The following MLLT3 variants were observed in gnomAD, a reference collection of about 807,000 sequenced individuals.
MLLT3 encodes protein AF-9.
Under a neutral mutation model 53.2 loss-of-function variants are expected in MLLT3, and 4 were observed. The observed-to-expected ratio is 0.08, with a 90% CI of 0.04 to 0.17. The LOEUF is 0.17. Ranked by LOEUF, MLLT3 falls within the 10% of genes least tolerant of loss-of-function variation. The pLI, the probability that MLLT3 is intolerant of heterozygous loss-of-function variation, is 1.00. For missense variants in MLLT3, 569 were observed against 684.0 expected (o/e 0.83, Z 1.87); for synonymous variants, 283 against 230.6 (o/e 1.23, Z -2.06).
At chr9:20,613,403 T>C (rs982868051) in intron 2 of MLLT3, among the ~76,000 whole-genome samples, 9 of 152,190 alleles carry the variant, frequency 5.9e-5, no homozygotes, top group Non-Finnish European at 1.2e-4. Context: ...ATAAATAGAA[T>C]GGAAGACAGA....
At chr9:20,554,929 T>C (rs905694443) in intron 2 of MLLT3, among the ~76,000 whole-genome samples, 1 of 152,238 alleles carries the variant, frequency 6.6e-6, no homozygotes, top group African/African-American at 2.4e-5. Context: ...GCTAAATTAA[T>C]AACTGCCTAA....
At chr9:20,605,053 A>C (rs1204531154) in intron 2 of MLLT3, among the ~76,000 whole-genome samples, 1 of 152,126 alleles carries the variant, frequency 6.6e-6, no homozygotes, top group East Asian at 1.9e-4. Context: ...AAAAAATAAA[A>C]GGCAAATGGT....
In MLLT3 at chr9:20,498,227, C is replaced by CAAAA. The variant is rs529049653; in HGVS notation, c.194-41445_194-41442dup. 1.0e-3 allele frequency among the ~76,000 whole-genome samples: 33 copies of CAAAA among 32,518 alleles called. 2 individuals are homozygous for CAAAA. Among genetic ancestry groups the CAAAA allele is most frequent in the South Asian group, 2.2e-3 (1 of 452 alleles). 21.3% of individuals were successfully genotyped at this position (32,518 alleles called of 152,430 possible). On this transcript the variant is annotated intron_variant, in intron 2 of 10. Coordinates refer to ENST00000380338, the MANE Select transcript of MLLT3 (RefSeq NM_004529.4). ...TAGGTGACAGAGCGAGACGCTGTCT[C>CAAAA]AAAAAAAAAAAAAAAAAAAAAAAAA...
In MLLT3 at chr9:20,621,861, G is replaced by A. The variant is rs1279718952; in HGVS notation, c.12+384C>T. The A allele has an allele frequency of 5.8e-6, 8 of 1,382,030 alleles. No homozygotes were observed. Among genetic ancestry groups the A allele is most frequent in the Non-Finnish European group, 7.4e-6 (8 of 1,077,224 alleles). 85.6% of individuals were successfully genotyped at this position (1,382,030 alleles called of 1,614,324 possible). A position where few individuals can be genotyped will look rare whatever the true frequency, so the allele number is the denominator to read the frequency against. On this transcript the variant is annotated intron_variant, in intron 1 of 10. Coordinates refer to ENST00000380338, the MANE Select transcript of MLLT3 (RefSeq NM_004529.4). This position sits in a 1 kb window ranked among gnomAD's most constrained non-coding sequence, Gnocchi z 7.0. ...ACTGTGCCCGCAGCTCCCGGCGGCG[G>A]CGGCTGAAATATGGCTGAGTTATTA... is the stretch of plus-strand genomic sequence containing the variant.
At chr9:20,600,875 G>T (rs1285813304) in intron 2 of MLLT3, among the ~76,000 whole-genome samples, 1 of 152,094 alleles carries the variant, frequency 6.6e-6, no homozygotes, top group African/African-American at 2.4e-5. Context: ...AGAATCCAAT[G>T]GGAAAAAATT....
chr9:20,446,349 TTCTGAGATAAAGGCTGAG>T (rs1823700016), intron 4 of MLLT3, among the ~76,000 whole-genome samples: 1 of 152,190 alleles, frequency 6.6e-6, no homozygotes, highest in South Asian at 2.1e-4. Flanking sequence ...AGAAGAATCA[TTCTGAGATAAAGGCTGAG>T]TAGAGCACAA....
chr9:20,353,392 T>C (rs937611123), intron 10 of MLLT3, 133 bp downstream of exon 10: 3 of 744,894 alleles, frequency 4.0e-6, no homozygotes, highest in East Asian at 2.5e-5. Context: ...CTTTCCCAAA[T>C]ACATCTACAG....
At chr9:20,527,690 G>A (rs1818238054) in intron 2 of MLLT3, among the ~76,000 whole-genome samples, 1 of 152,054 alleles carries the variant, frequency 6.6e-6, no homozygotes, top group Non-Finnish European at 1.5e-5. Context: ...TAACTAAACT[G>A]GAACATCAAA....
At chr9:20,601,064 C>T (rs1317276025) in intron 2 of MLLT3, among the ~76,000 whole-genome samples, 1 of 152,200 alleles carries the variant, frequency 6.6e-6, no homozygotes, top group African/African-American at 2.4e-5. Flanking sequence ...CCCCCAGACT[C>T]AGATTGCTCT....
intron 2 of MLLT3, among the ~76,000 whole-genome samples, chr9:20,533,568 A>G (rs1330769768): frequency 6.6e-6 from 1 of 152,228 alleles, no homozygotes; most frequent in Non-Finnish European, 1.5e-5. Context: ...ATATGTCCTA[A>G]GGAAATAAAA....
At chr9:20,360,935 A>C (rs914836242) in intron 7 of MLLT3, 94 bp from the exon 8 acceptor site, 1 of 1,072,470 alleles carries the variant, frequency 9.3e-7, no homozygotes, top group East Asian at 2.5e-5. Context: ...GAATCCAAAC[A>C]CTAACCCTTG....
At chr9:20,520,208 A>G (rs1202925533) in intron 2 of MLLT3, among the ~76,000 whole-genome samples, 3 of 152,126 alleles carry the variant, frequency 2.0e-5, no homozygotes, top group Admixed American at 6.5e-5. Context: ...GAGGGTGGAG[A>G]GTGAAAGGAG....
At position 20,344,243 on chromosome 9, in the gene MLLT3, ATAT is replaced by A. The variant is rs1820809139; in HGVS notation, c.*2197_*2199del. The A allele has an allele frequency of 5.0e-6, 1 of 198,450 alleles. No individual in the cohort carries two copies. Among genetic ancestry groups the A allele is most frequent in the Non-Finnish European group, 1.0e-5 (1 of 96,132 alleles). The allele number at this position is 198,450 out of a possible 1,614,324, so 12.3% of individuals were successfully genotyped here. On this transcript the variant is annotated 3_prime_UTR_variant, in exon 11 of 11. Coordinates refer to ENST00000380338, the MANE Select transcript of MLLT3 (RefSeq NM_004529.4). ...GAAAAAATTTTTACATTGGCAAATC[ATAT>A]TTTTTGCCCCACAATTTAGTTACAG...
intron 2 of MLLT3, among the ~76,000 whole-genome samples, chr9:20,613,934 C>A (rs1432309389): frequency 6.6e-6 from 1 of 152,070 alleles, no homozygotes; most frequent in African/African-American, 2.4e-5. Flanking sequence ...AAATGAATGT[C>A]AAAGATGTCC....
At chr9:20,453,252 G>A (rs1010600459) in intron 3 of MLLT3, among the ~76,000 whole-genome samples, 3 of 152,118 alleles carry the variant, frequency 2.0e-5, no homozygotes, top group African/African-American at 7.2e-5. Flanking sequence ...CCAGAGATAT[G>A]CTTTATCTTT....
Position 20,446,466 on chromosome 9 carries a change from G to T in MLLT3, c.420+1657C>A, listed in dbSNP as rs528189934. Among the ~76,000 whole-genome samples the T allele has an allele frequency of 9.2e-5, 14 of 152,238 alleles. 1 individual carries two copies. In the South Asian group the frequency reaches 2.1e-3, roughly 23 times the overall value. On this transcript the variant is annotated intron_variant, in intron 4 of 10. Coordinates refer to ENST00000380338, the MANE Select transcript of MLLT3 (RefSeq NM_004529.4). ...CTGTAACCTCTCTTCCAGCTCACAG[G>T]CAACCCTCGACTTCTCTGGGACTAA... is the stretch of plus-strand genomic sequence containing the variant.
chr9:20,620,515 C>T lies in MLLT3; in HGVS notation c.193+139G>A. ...GGCGGGAGCCGGGACCTGGCCCGCG[C>T]GGCGCCGCGCACCCGGATCCCGAGG... On this transcript the variant is annotated intron_variant, in intron 2 of 10. Transcript: ENST00000380338. This position sits in a 1 kb window ranked among gnomAD's most constrained non-coding sequence, Gnocchi z 6.1. 1.9e-6 allele frequency: 1 copy of T among 519,810 alleles called. No individual in the cohort carries two copies. 32.2% of individuals were successfully genotyped at this position (519,810 alleles called of 1,614,324 possible). A position where few individuals can be genotyped will look rare whatever the true frequency, so the allele number is the denominator to read the frequency against.
rs376997832 is a variant in MLLT3, at chr9:20,620,104, A to C, written c.193+550T>G. Among the ~76,000 whole-genome samples, 42 of 152,246 alleles carry C rather than the reference A, an allele frequency of 2.8e-4. No homozygotes were observed. In the South Asian group the frequency reaches 5.4e-3, roughly 20 times the overall value. On this transcript the variant is annotated intron_variant, in intron 2 of 10. Coordinates refer to ENST00000380338, the MANE Select transcript of MLLT3 (RefSeq NM_004529.4). This position sits in a 1 kb window ranked among gnomAD's most constrained non-coding sequence, Gnocchi z 6.1. The stretch of plus-strand genomic sequence containing the variant: ...GCGGTGGCTAAGCCACAAAAAGAAA[A>C]GTCTATGGCAACTGGCACCTGGTGC...
At chr9:20,511,337 C>A (rs892233823) in intron 2 of MLLT3, among the ~76,000 whole-genome samples, 3 of 151,938 alleles carry the variant, frequency 2.0e-5, no homozygotes, top group African/African-American at 7.3e-5. Flanking sequence ...AGAATATATG[C>A]AAATACAAAC....
Sources: allele counts gnomAD v4.1 joint callset (sites outside exome capture counted in the v4.1 genomes callset), GRCh38; gene constraint gnomAD v4.1.1; non-coding constraint Gnocchi (gnomAD v3.1); transcripts MANE v1.5; gene names NCBI Gene and HGNC (gene_info 2026-07-23, HGNC 2026-07-21).